EME2: variants seen among roughly 807,000 people sequenced by gnomAD.
The protein encoded by EME2 is structure-specific endonuclease subunit EME2.
Under a neutral mutation model 41.9 loss-of-function variants are expected in EME2, and 58 were observed. The observed-to-expected ratio is 1.38, with a 90% CI of 1.12 to 1.72. The LOEUF is 1.72. EME2 is among the 40% of genes most tolerant of loss of function. The pLI, the probability that EME2 is intolerant of heterozygous loss-of-function variation, is 0.00. For missense variants in EME2, 695 were observed against 541.9 expected (o/e 1.28, Z -2.81); for synonymous variants, 334 against 239.3 (o/e 1.40, Z -3.65).
rs1896698979 is a variant in EME2 at position 1,781,290 on chromosome 16, C to G, written c.*5052C>G. Reference sequence around the variant, plus strand: ...GACTGATTCCGTGTTCAGGTAATGTCTGCCTGCCTGCCTAGGGCATCTCCA... The same window carrying G: ...GACTGATTCCGTGTTCAGGTAATGTGTGCCTGCCTGCCTAGGGCATCTCCA... On this transcript the variant is annotated 3_prime_UTR_variant, in exon 8 of 8. Coordinates refer to ENST00000568449, the MANE Select transcript of EME2 (RefSeq NM_001257370.2). 6.2e-7 allele frequency: 1 copy of G among 1,611,902 alleles called. No individual in the cohort carries two copies. The highest frequency in any genetic ancestry group is 1.1e-5 in the South Asian group (1 of 91,042).
intron 3 of EME2, chr16:1,774,821 C>T (rs540067679): frequency 8.1e-6 from 5 of 613,756 alleles, no homozygotes; most frequent in Middle Eastern, 4.5e-4. Context: ...ATGGAACTGA[C>T]ATGTGCCCGA....
Position 1,773,012 on chromosome 16 carries a change from C to A in EME2, c.-216C>A, listed in dbSNP as rs1228491386. On this transcript the variant is annotated 5_prime_UTR_variant, in exon 1 of 8. Coordinates refer to ENST00000568449, the MANE Select transcript of EME2 (RefSeq NM_001257370.2). The stretch of plus-strand genomic sequence containing the variant: ...ACGGCCGCGTCAAGGTCTCGTAGTC[C>A]ACCGCGTAGAGCTGGGAGTCGCGCG... 6.9e-7 allele frequency: 1 copy of A among 1,457,826 alleles called. No homozygotes were observed. The allele number at this position is 1,457,826 out of a possible 1,614,324, so 90.3% of individuals were successfully genotyped here. A position where few individuals can be genotyped will look rare whatever the true frequency, so the allele number is the denominator to read the frequency against.
chr16:1,775,400 G>A lies in EME2; in HGVS notation c.655G>A (p.Val219Met), dbSNP rs766246804. Residue 219 changes from valine to methionine, a missense_variant, in exon 5 of 8, where the codon GTG becomes ATG. Transcript: ENST00000568449. The part of the protein sequence containing the change: ...GAEVAVSWPE[V>M]EEALVLLQLW... ...CGAGGTGGCCGTCAGCTGGCCGGAGGTGGAAGAGGTGAGGGCCTGTCTGAG... is the reference window on the plus strand; with the variant it reads ...CGAGGTGGCCGTCAGCTGGCCGGAGATGGAAGAGGTGAGGGCCTGTCTGAG... 1.2e-6 allele frequency: 2 copies of A among 1,612,742 alleles called. No homozygotes were observed. Among genetic ancestry groups the A allele is most frequent in the Admixed American group, 1.7e-5 (1 of 59,976 alleles).
rs761716650 is a variant in EME2, at chr16:1,780,694, G to A, written c.*4456G>A. 1 of 160,858 alleles carries A rather than the reference G, an allele frequency of 6.2e-6. No homozygotes were observed. Among genetic ancestry groups the A allele is most frequent in the African/African-American group, 2.4e-5 (1 of 41,508 alleles). 10.0% of individuals were successfully genotyped at this position (160,858 alleles called of 1,614,324 possible). A position where few individuals can be genotyped will look rare whatever the true frequency, so the allele number is the denominator to read the frequency against. The stretch of plus-strand genomic sequence containing the variant: ...TAAGACAACCAGCAAGTTAACAATG[G>A]TCACCTCCAGAAATGGGCTGGGTAA... On this transcript the variant is annotated 3_prime_UTR_variant, in exon 8 of 8. Transcript: ENST00000568449.
At chr16:1,774,644 C>G (rs2042681784) in intron 3 of EME2, among the ~76,000 whole-genome samples, 1 of 152,266 alleles carries the variant, frequency 6.6e-6, no homozygotes, top group African/African-American at 2.4e-5. Context: ...AGCCTGGCCC[C>G]TGCCTGCGGG....
Position 1,773,099 on chromosome 16 carries a change from A to G in EME2, c.-129A>G. On this transcript the variant is annotated 5_prime_UTR_variant, in exon 1 of 8. Coordinates refer to ENST00000568449, the MANE Select transcript of EME2 (RefSeq NM_001257370.2). ...GGGCCAGCTCCGCGATCAGCCGCGG[A>G]CGCACCTTCTTCCGCGCCATGGCGG... is the stretch of plus-strand genomic sequence containing the variant. The G allele has an allele frequency of 7.1e-7, 1 of 1,402,422 alleles. No homozygotes were observed. Among genetic ancestry groups the G allele is most frequent in the East Asian group, 2.9e-5 (1 of 34,808 alleles). The allele number at this position is 1,402,422 out of a possible 1,614,324, so 86.9% of individuals were successfully genotyped here.
rs1410312301 is a variant in EME2, at chr16:1,773,273, CG to C, written c.50del (p.Gly17AlafsTer57). 1 of 1,465,666 alleles carries C rather than the reference CG, an allele frequency of 6.8e-7. No individual in the cohort carries two copies. The highest frequency in any genetic ancestry group is 8.9e-7 in the Non-Finnish European group (1 of 1,117,402). The allele number at this position is 1,465,666 out of a possible 1,614,324, so 90.8% of individuals were successfully genotyped here. ...PGRAGVSCQGRGRGRGGSGQR... is the reference protein window; with the variant it reads ...PGRAGVSCQGXGRGRGGSGQR... ...GAGGGCGGGGGTCTCTTGCCAGGGC[CG>C]GGGCCGGGGACGGGGCGGGAGCGGT... On this transcript the variant is annotated frameshift_variant, in exon 1 of 8. Transcript: ENST00000568449. LOFTEE classifies it high-confidence loss of function.
rs746719041 is a variant in EME2, at chr16:1,778,158, G to T, written c.*1920G>T. 1.2e-6 allele frequency: 2 copies of T among 1,612,720 alleles called. No individual in the cohort carries two copies. Among genetic ancestry groups the T allele is most frequent in the Admixed American group, 3.3e-5 (2 of 60,010 alleles). ...CCATGTCGGTGCCGTAGACGGGAGA[G>T]GTCATCTTGATCTCCCAGAAGTGCT... On this transcript the variant is annotated 3_prime_UTR_variant, in exon 8 of 8. Coordinates refer to ENST00000568449, the MANE Select transcript of EME2 (RefSeq NM_001257370.2).
At position 1,778,486 on chromosome 16, in the gene EME2, G is replaced by C. The variant is rs2042747925; in HGVS notation, c.*2248G>C. On this transcript the variant is annotated 3_prime_UTR_variant, in exon 8 of 8. Transcript: ENST00000568449. ...TCCCTGCCCCGGTGGGCCGAGTGCA[G>C]GCTGCTACAGAAGGAGGCCTCGCTC... 1.9e-6 allele frequency: 3 copies of C among 1,611,776 alleles called. No individual in the cohort carries two copies. Among genetic ancestry groups the C allele is most frequent in the Non-Finnish European group, 2.5e-6 (3 of 1,179,568 alleles).
At chr16:1,774,551 A>G (rs1331510894) in intron 3 of EME2, among the ~76,000 whole-genome samples, 199 bp downstream of exon 3, 2 of 152,252 alleles carry the variant, frequency 1.3e-5, no homozygotes, top group Admixed American at 1.3e-4. Context: ...CGGAGGCTAC[A>G]GCTGCTCCTA....
At chr16:1,773,907 C>G in intron 2 of EME2, 66 bp downstream of exon 2, 3 of 1,476,428 alleles carry the variant, frequency 2.0e-6, no homozygotes, top group Non-Finnish European at 2.7e-6. Context: ...GATTTCAGCC[C>G]TGGAGCTGTC....
rs1249728986 is a variant in EME2, at chr16:1,773,268, A to AGGGACG, written c.44_45insACGGGG (p.Arg20_Gly21dup). On this transcript the variant is annotated inframe_insertion, in exon 1 of 8. Coordinates refer to ENST00000568449, the MANE Select transcript of EME2 (RefSeq NM_001257370.2). Reference sequence around the variant, plus strand: ...CCCGGGAGGGCGGGGGTCTCTTGCCAGGGCCGGGGCCGGGGACGGGGCGGG... The same window carrying AGGGACG: ...CCCGGGAGGGCGGGGGTCTCTTGCCAGGGACGGGGCCGGGGCCGGGGACGGGGCGGG... The AGGGACG allele has an allele frequency of 1.4e-5, 20 of 1,459,134 alleles. No homozygotes were observed. The Admixed American group carries it at 1.8e-4, about 13-fold the overall frequency. The allele number at this position is 1,459,134 out of a possible 1,614,324, so 90.4% of individuals were successfully genotyped here.
In EME2 at chr16:1,773,148, C is replaced by T; in HGVS notation, c.-80C>T. On this transcript the variant is annotated 5_prime_UTR_variant, in exon 1 of 8. Transcript: ENST00000568449. The stretch of plus-strand genomic sequence containing the variant: ...GGGTCCGCGTCCTCAGCGGTCCGGC[C>T]GGAAGTCACCGGAAGAGGCCGGTGT... 1 of 1,394,584 alleles carries T rather than the reference C, an allele frequency of 7.2e-7. No homozygotes were observed. Among genetic ancestry groups the T allele is most frequent in the African/African-American group, 1.5e-5 (1 of 65,974 alleles). The allele number at this position is 1,394,584 out of a possible 1,614,324, so 86.4% of individuals were successfully genotyped here. A position where few individuals can be genotyped will look rare whatever the true frequency, so the allele number is the denominator to read the frequency against.
rs745463843 is a variant in EME2 at position 1,776,049 on chromosome 16, T to G, written c.970-19T>G. 14 of 1,605,866 alleles carry G rather than the reference T, an allele frequency of 8.7e-6. No homozygotes were observed. The African/African-American group carries it at 1.7e-4, about 20-fold the overall frequency. ...AGCCCCGTCCCCAGGCGCCCTCTCA[T>G]GCCTTTGCCTGCTCCTAGGCGCTGG... On this transcript the variant is annotated intron_variant, in intron 7 of 7. Transcript: ENST00000568449.
chr16:1,778,770 C>G lies in EME2; in HGVS notation c.*2532C>G, dbSNP rs1340845757. ...CAGTACCCCGAGCGCACAGCCCAGG[C>G]TCCCTCCCAACGGGCTCCGGCTCTG... On this transcript the variant is annotated 3_prime_UTR_variant, in exon 8 of 8. Transcript: ENST00000568449. The G allele has an allele frequency of 1.3e-6, 1 of 769,346 alleles. No homozygotes were observed. The highest frequency in any genetic ancestry group is 1.8e-5 in the African/African-American group (1 of 56,362). 47.7% of individuals were successfully genotyped at this position (769,346 alleles called of 1,614,324 possible).
At position 1,781,229 on chromosome 16, in the gene EME2, G is replaced by C. The variant is rs756038183; in HGVS notation, c.*4991G>C. The C allele has an allele frequency of 6.3e-7, 1 of 1,587,712 alleles. No individual in the cohort carries two copies. Among genetic ancestry groups the C allele is most frequent in the Non-Finnish European group, 8.5e-7 (1 of 1,172,868 alleles). On this transcript the variant is annotated 3_prime_UTR_variant, in exon 8 of 8. Coordinates refer to ENST00000568449, the MANE Select transcript of EME2 (RefSeq NM_001257370.2). Reference sequence around the variant, plus strand: ...CATCCAGGAGACAGGCCCAGGTTTGGACTGGTCCTCTAGCCTCAGAAGCAT... The same window carrying C: ...CATCCAGGAGACAGGCCCAGGTTTGCACTGGTCCTCTAGCCTCAGAAGCAT...
Position 1,778,676 on chromosome 16 carries a change from C to A in EME2, c.*2438C>A. The stretch of plus-strand genomic sequence containing the variant: ...CTCTCTACCCTCTCACCCTTGCCCT[C>A]TGTCCCTGTCCCACCCTGTCCCTGA... On this transcript the variant is annotated 3_prime_UTR_variant, in exon 8 of 8. Transcript: ENST00000568449. 6.7e-7 allele frequency: 1 copy of A among 1,491,254 alleles called. No homozygotes were observed. Among genetic ancestry groups the A allele is most frequent in the Admixed American group, 2.2e-5 (1 of 45,374 alleles). 92.4% of individuals were successfully genotyped at this position (1,491,254 alleles called of 1,614,324 possible).
At position 1,773,944 on chromosome 16, in the gene EME2, G is replaced by A. The variant is rs1240087725; in HGVS notation, c.384+103G>A. On this transcript the variant is annotated intron_variant, in intron 2 of 7. Transcript: ENST00000568449. ...CTGAGGCAGCTGCCCTGGGCCGTGC[G>A]CGTCTCGCGGATGGGTAAAGCAAGG... 35 of 1,382,352 alleles carry A rather than the reference G, an allele frequency of 2.5e-5. 1 individual carries two copies. In the South Asian group the frequency reaches 4.6e-4, roughly 18 times the overall value. 85.6% of individuals were successfully genotyped at this position (1,382,352 alleles called of 1,614,324 possible).
rs369803881 is a variant in EME2 at position 1,775,335 on chromosome 16, G to A, written c.590G>A (p.Arg197Gln). 1.9e-5 allele frequency: 31 copies of A among 1,610,536 alleles called. No homozygotes were observed. The highest frequency in any genetic ancestry group is 8.0e-5 in the African/African-American group (6 of 75,060). The change falls in exon 5 of 8, where the codon CGG becomes CAG. Residue 197 changes from arginine (R) to glutamine (Q), a missense_variant. Arg to Gln is a conservative substitution (Grantham distance 43). Coordinates refer to ENST00000568449, the MANE Select transcript of EME2 (RefSeq NM_001257370.2). ...AYLWSRQHVS[R>Q]GTQQPESPKV... is the part of the protein sequence containing the mutation. ...CTCAGGTCTCGCCAGCACGTTTCCC[G>A]GGGGACACAGCAGCCAGAGAGCCCG...
Sources: gnomAD v4.1 joint callset for allele counts (sites outside exome capture counted in the v4.1 genomes callset) on GRCh38, gnomAD v4.1.1 for gene constraint, MANE v1.5 for transcripts, NCBI Gene and HGNC (gene_info 2026-07-23, HGNC 2026-07-21) for gene names.